AGBL4: variants seen among roughly 807,000 people sequenced by gnomAD.
The protein encoded by AGBL4 is AGBL carboxypeptidase 4.
Under a neutral mutation model 66.4 loss-of-function variants are expected in AGBL4, and 58 were observed. The ratio of observed to expected loss-of-function variants is 0.87; its 90% CI spans 0.71 to 1.09. The LOEUF (loss-of-function observed/expected upper bound fraction) is 1.09. AGBL4 is among the 50% of genes least tolerant of loss of function. AGBL4 has a pLI of 0.00. For synonymous variants in AGBL4, 234 were observed against 222.9 expected (o/e 1.05, Z -0.44); for missense variants, 579 against 631.0 (o/e 0.92, Z 0.88).
chr1:48,875,779 C>G (rs965415824), intron 5 of AGBL4, among the ~76,000 whole-genome samples: 1 of 152,170 alleles, frequency 6.6e-6, no homozygotes, highest in Admixed American at 6.5e-5. Flanking sequence ...TTTGTATGTG[C>G]CAATCTTCAC....
chr1:48,592,945 T>C (rs1644940831), intron 9 of AGBL4, among the ~76,000 whole-genome samples: 3 of 152,250 alleles, frequency 2.0e-5, no homozygotes, highest in Non-Finnish European at 2.9e-5. Flanking sequence ...CTGATAACCA[T>C]ATAGGTGTGG....
intron 1 of AGBL4, among the ~76,000 whole-genome samples, chr1:49,950,694 A>G (rs572569703): frequency 5.1e-4 from 78 of 151,972 alleles, no homozygotes; most frequent in African/African-American, 1.7e-3. Flanking sequence ...AAACATTGAA[A>G]CTAAAACTAT....
At chr1:49,808,523 A>G (rs1645025472) in intron 2 of AGBL4, among the ~76,000 whole-genome samples, 1 of 152,102 alleles carries the variant, frequency 6.6e-6, no homozygotes, top group South Asian at 2.1e-4. Flanking sequence ...GTTTTTCTCA[A>G]TTACTATTAA....
chr1:49,371,248 GATACATACATACATACATAC>G (rs760739499), intron 3 of AGBL4, among the ~76,000 whole-genome samples: 13 of 137,878 alleles, frequency 9.4e-5, no homozygotes, highest in Non-Finnish European at 1.5e-4. Flanking sequence ...TAGATAGATA[GATACATACATACATACATAC>G]ATACATACAT....
At chr1:49,795,163 T>A (rs1282132458) in intron 2 of AGBL4, among the ~76,000 whole-genome samples, 2 of 151,826 alleles carry the variant, frequency 1.3e-5, no homozygotes, top group East Asian at 3.9e-4. Flanking sequence ...TATAGTCATA[T>A]AAACTGGCCT....
At chr1:48,651,643 A>T (rs1001887357) in intron 8 of AGBL4, among the ~76,000 whole-genome samples, 4 of 152,174 alleles carry the variant, frequency 2.6e-5, no homozygotes, top group African/African-American at 9.7e-5. Flanking sequence ...TAAGAGTGGA[A>T]GCAAAACTGT....
intron 5 of AGBL4, among the ~76,000 whole-genome samples, chr1:48,930,953 T>C (rs1203608387): frequency 1.3e-5 from 2 of 152,208 alleles, no homozygotes; most frequent in East Asian, 3.8e-4. Flanking sequence ...ACAATAACAA[T>C]GGCTATTATT....
intron 6 of AGBL4, among the ~76,000 whole-genome samples, chr1:48,729,474 A>G (rs1015269461): frequency 2.0e-5 from 3 of 152,204 alleles, no homozygotes; most frequent in Non-Finnish European, 4.4e-5. Context: ...ATTGCTATGG[A>G]GAACAAGCAA....
chr1:49,084,110 CTAGGAAGTT>C (rs1347275350), intron 4 of AGBL4, among the ~76,000 whole-genome samples: 1 of 24,772 alleles, frequency 4.0e-5, no homozygotes, highest in Non-Finnish European at 9.3e-5. Context: ...TTCAGAGTCT[CTAGGAAGTT>C]CCAAATTTCC....
chr1:49,593,790 G>T (rs1644800038), intron 3 of AGBL4, among the ~76,000 whole-genome samples: 1 of 152,080 alleles, frequency 6.6e-6, no homozygotes, highest in Admixed American at 6.6e-5. Context: ...TTCAAAGAGT[G>T]CCTGGCACAT....
At chr1:49,147,014 T>C (rs968389181) in intron 4 of AGBL4, among the ~76,000 whole-genome samples, 4 of 152,072 alleles carry the variant, frequency 2.6e-5, no homozygotes, top group South Asian at 2.1e-4. Flanking sequence ...TCTGACCTTA[T>C]AGAGAAGCAG....
At chr1:48,687,231 G>T (rs1368790852) in intron 6 of AGBL4, among the ~76,000 whole-genome samples, 1 of 152,176 alleles carries the variant, frequency 6.6e-6, no homozygotes, top group African/African-American at 2.4e-5. Flanking sequence ...AAGAGAAGAG[G>T]AGGGGGCAAA....
At chr1:49,874,239 A>G (rs1177494363) in intron 1 of AGBL4, among the ~76,000 whole-genome samples, 2 of 152,182 alleles carry the variant, frequency 1.3e-5, no homozygotes, top group South Asian at 2.1e-4. Context: ...TATTAAAACT[A>G]TAAAACTTCT....
At chr1:49,038,722 G>GC (rs1299134006) in intron 5 of AGBL4, among the ~76,000 whole-genome samples, 1 of 152,088 alleles carries the variant, frequency 6.6e-6, no homozygotes, top group Non-Finnish European at 1.5e-5. Context: ...AGGATGTGGA[G>GC]CACAGGTACT....
chr1:49,116,663 T>C (rs1645530460), intron 4 of AGBL4, among the ~76,000 whole-genome samples: 3 of 152,234 alleles, frequency 2.0e-5, no homozygotes, highest in Non-Finnish European at 4.4e-5. Flanking sequence ...CTATTGTGAA[T>C]AGTGCCACAA....
intron 1 of AGBL4, among the ~76,000 whole-genome samples, chr1:49,910,094 G>A (rs1375217823): frequency 1.3e-5 from 2 of 152,130 alleles, no homozygotes; most frequent in African/African-American, 4.8e-5. Context: ...AACTGAATAA[G>A]ATGACATAGG....
intron 4 of AGBL4, among the ~76,000 whole-genome samples, chr1:49,110,913 G>A (rs1025169316): frequency 2.0e-5 from 3 of 152,046 alleles, no homozygotes; most frequent in South Asian, 2.1e-4. Flanking sequence ...AACCTCAAAC[G>A]ATGGAAATTT....
At chr1:49,572,544 T>C (rs1309494200) in intron 3 of AGBL4, among the ~76,000 whole-genome samples, 1 of 152,224 alleles carries the variant, frequency 6.6e-6, no homozygotes. Flanking sequence ...TTTTCTGCTG[T>C]CTATTTCATT....
At chr1:49,045,925 G>A in intron 4 of AGBL4, 125 bp from the exon 5 acceptor site, 2 of 801,992 alleles carry the variant, frequency 2.5e-6, no homozygotes, top group Middle Eastern at 3.6e-4. Context: ...ATGGGGCTGG[G>A]AGAATGACAA....
Sources: allele counts gnomAD v4.1 joint callset (sites outside exome capture counted in the v4.1 genomes callset), GRCh38; gene constraint gnomAD v4.1.1; transcripts MANE v1.5; gene names NCBI Gene and HGNC (gene_info 2026-07-23, HGNC 2026-07-21).